Variants in DAB1 observed in about 807,000 individuals in gnomAD.
DAB1 encodes DAB adaptor protein 1.
Under a neutral mutation model 64.6 loss-of-function variants are expected in DAB1, and 15 were observed. The observed-to-expected ratio is 0.23, with a 90% CI of 0.16 to 0.36. The LOEUF (loss-of-function observed/expected upper bound fraction) is 0.36. Ranked by LOEUF, DAB1 falls within the 10% of genes least tolerant of loss-of-function variation. The probability of loss-of-function intolerance (pLI) is 1.00; values close to 1 mark genes in which losing one functional copy is unlikely to be tolerated. For missense variants in DAB1, 596 were observed against 706.7 expected (o/e 0.84, Z 1.78); for synonymous variants, 235 against 251.9 (o/e 0.93, Z 0.64).
intron 7 of DAB1, among the ~76,000 whole-genome samples, chr1:57,550,228 C>T (rs1390839203): frequency 1.3e-5 from 2 of 152,278 alleles, no homozygotes; most frequent in South Asian, 4.1e-4. Flanking sequence ...ACTGAGCAGG[C>T]TGTCAATAAA....
intron 2 of DAB1, among the ~76,000 whole-genome samples, chr1:57,226,672 A>AAAAAAAATATATATATATATATATAT (rs747021990): frequency 1.5e-5 from 2 of 136,016 alleles, no homozygotes; most frequent in African/African-American, 6.2e-5. Context: ...TTAAAAAAAA[A>AAAAAAAATATATATATATATATATAT]ATATATATAT....
intron 5 of DAB1, among the ~76,000 whole-genome samples, chr1:58,097,421 A>C (rs185386941): frequency 6.6e-6 from 1 of 152,348 alleles, no homozygotes; most frequent in East Asian, 1.9e-4. Context: ...ATGATGGTTT[A>C]ATCACAGTTT....
intron 5 of DAB1, among the ~76,000 whole-genome samples, chr1:58,092,580 T>C (rs1336638193): frequency 6.6e-6 from 1 of 152,196 alleles, no homozygotes; most frequent in Non-Finnish European, 1.5e-5. Flanking sequence ...TTCCAGGTCC[T>C]TTCATGGGCC....
At chr1:58,308,864 A>T (rs1662366339) in intron 4 of DAB1, among the ~76,000 whole-genome samples, 1 of 152,154 alleles carries the variant, frequency 6.6e-6, no homozygotes, top group Non-Finnish European at 1.5e-5. Flanking sequence ...GGCGCTCCCC[A>T]TATTCCAAGG....
chr1:57,444,639 A>G (rs1204483886), intron 7 of DAB1, among the ~76,000 whole-genome samples: 1 of 152,230 alleles, frequency 6.6e-6, no homozygotes, highest in Non-Finnish European at 1.5e-5. Flanking sequence ...CCTTGAAGAC[A>G]CACACACAAG....
intron 1 of DAB1, among the ~76,000 whole-genome samples, chr1:57,368,231 CA>C (rs1448640355): frequency 6.6e-6 from 1 of 152,220 alleles, no homozygotes; most frequent in Non-Finnish European, 1.5e-5. Flanking sequence ...TGCTGGCCTG[CA>C]GGGGGCCCCT....
chr1:57,606,242 A>T (rs1645635378), intron 7 of DAB1: 2 of 140,132 alleles, frequency 1.4e-5, no homozygotes, highest in Admixed American at 2.0e-4. Flanking sequence ...CTTGTTCCTC[A>T]GTGAGAGTGA....
At chr1:57,869,099 A>G (rs1487222579) in intron 1 of DAB1, among the ~76,000 whole-genome samples, 1 of 152,124 alleles carries the variant, frequency 6.6e-6, no homozygotes. Flanking sequence ...AATCTAGTAG[A>G]TAAGAGATCA....
intron 1 of DAB1, among the ~76,000 whole-genome samples, chr1:57,323,768 G>T (rs1010996225): frequency 6.6e-6 from 1 of 152,020 alleles, no homozygotes; most frequent in Non-Finnish European, 1.5e-5. Context: ...ACAGACTCCG[G>T]TAAGGAGTTA....
At chr1:57,856,059 AC>A (rs1424854487) in intron 1 of DAB1, among the ~76,000 whole-genome samples, 11 of 152,194 alleles carry the variant, frequency 7.2e-5, no homozygotes, top group Admixed American at 4.6e-4. Context: ...GAGAATAATT[AC>A]CAAGACTTGG....
intron 4 of DAB1, among the ~76,000 whole-genome samples, chr1:58,335,741 C>G (rs1169987584): frequency 6.6e-6 from 1 of 152,174 alleles, no homozygotes; most frequent in Non-Finnish European, 1.5e-5. Context: ...TGCTGATACA[C>G]TGGCTATAGG....
At chr1:57,999,884 G>C (rs1283553194) in intron 5 of DAB1, among the ~76,000 whole-genome samples, 1 of 150,110 alleles carries the variant, frequency 6.7e-6, no homozygotes, top group African/African-American at 2.5e-5. Flanking sequence ...AGAAAGAAGA[G>C]AAGGAAGAAA....
chr1:58,253,172 T>G (rs7530101), intron 4 of DAB1, among the ~76,000 whole-genome samples: 41,295 of 152,118 alleles, frequency 0.27, 6,118 homozygotes, highest in East Asian at 0.42. Context: ...CCTCTCAAAG[T>G]TTTAATTACC....
intron 5 of DAB1, among the ~76,000 whole-genome samples, chr1:57,912,094 A>C (rs979021020): frequency 2.0e-5 from 3 of 152,292 alleles, no homozygotes; most frequent in Admixed American, 6.5e-5. Flanking sequence ...CCTTTAATCC[A>C]ATAATTCCAC....
chr1:57,121,731 T>A lies in DAB1; in HGVS notation c.306+14812A>T, dbSNP rs537206121. Among the ~76,000 whole-genome samples the A allele has an allele frequency of 2.6e-5, 4 of 152,132 alleles. No individual in the cohort carries two copies. In the South Asian group the frequency reaches 8.3e-4, roughly 32 times the overall value. Reference sequence around the variant, plus strand: ...TCTTTAATCCATCTTGAGTTAATTTTTGTATAAGGTGTAAGGAAGGGGTCC... The same window carrying A: ...TCTTTAATCCATCTTGAGTTAATTTATGTATAAGGTGTAAGGAAGGGGTCC... On this transcript the variant is annotated intron_variant, in intron 4 of 14. Coordinates refer to ENST00000371236, the MANE Select transcript of DAB1 (RefSeq NM_001365792.1).
chr1:57,018,549 G>A (rs1331234099), intron 11 of DAB1, among the ~76,000 whole-genome samples: 1 of 152,146 alleles, frequency 6.6e-6, no homozygotes, highest in Non-Finnish European at 1.5e-5. Flanking sequence ...GTGAAAGGAG[G>A]TATTGCAAAT....
At chr1:58,426,298 C>G (rs1258070710) in intron 3 of DAB1, among the ~76,000 whole-genome samples, 1 of 152,116 alleles carries the variant, frequency 6.6e-6, no homozygotes, top group Non-Finnish European at 1.5e-5. Flanking sequence ...TAGTGTTGGC[C>G]TCCACCCTGG....
rs989485091 is a variant in DAB1 at position 57,194,917 on chromosome 1, G to A, written c.68-49488C>T. 6.6e-5 allele frequency among the ~76,000 whole-genome samples: 10 copies of A among 152,342 alleles called. No homozygotes were observed. In the South Asian group the frequency reaches 1.7e-3, roughly 25 times the overall value. On this transcript the variant is annotated intron_variant, in intron 2 of 14. Transcript: ENST00000371236. Reference sequence around the variant, plus strand: ...CTGAGGCTTTGTTTATAGACAGATGGAGGGACAAGAGGCTCATTCTCATCC... The same window carrying A: ...CTGAGGCTTTGTTTATAGACAGATGAAGGGACAAGAGGCTCATTCTCATCC...
intron 7 of DAB1, among the ~76,000 whole-genome samples, chr1:57,437,059 T>A (rs1256832516): frequency 6.8e-6 from 1 of 146,658 alleles, no homozygotes; most frequent in Non-Finnish European, 1.5e-5. Context: ...AAAAAGAATT[T>A]CCTGGCACAG....
Sources: allele counts gnomAD v4.1 joint callset (sites outside exome capture counted in the v4.1 genomes callset), GRCh38; gene constraint gnomAD v4.1.1; transcripts MANE v1.5; gene names NCBI Gene and HGNC (gene_info 2026-07-23, HGNC 2026-07-21).